The following PDE5A variants were observed in gnomAD, a reference collection of about 807,000 sequenced individuals.
PDE5A encodes cGMP-specific 3',5'-cyclic phosphodiesterase.
PDE5A carries 67 observed loss-of-function variants against 110.2 expected under a neutral mutation model. That is an observed-to-expected ratio of 0.61 (90% CI 0.50 to 0.75). PDE5A has a LOEUF of 0.75. PDE5A is among the 30% of genes least tolerant of loss of function. The pLI is 0.00. For synonymous variants in PDE5A, 328 were observed against 351.2 expected, an observed-to-expected ratio of 0.93 and a Z score of 0.74; for missense variants, 862 against 1,045.1, an observed-to-expected ratio of 0.82 and a Z score of 2.42.
At position 119,497,778 on chromosome 4, in the gene PDE5A, A is replaced by T. The variant is rs201067634; in HGVS notation, c.*823T>A. 1 of 152,178 alleles carries T rather than the reference A, an allele frequency of 6.6e-6. No homozygotes were observed. The highest frequency in any genetic ancestry group is 1.5e-5 in the Non-Finnish European group (1 of 68,022). 9.4% of individuals were successfully genotyped at this position (152,178 alleles called of 1,614,324 possible). ...CAGAAGGAAAAAAACTCTTAGAGAG[A>T]TCTTCTAACAGAACATTTTTCTTCA... is the stretch of plus-strand genomic sequence containing the variant. On this transcript the variant is annotated 3_prime_UTR_variant, in exon 21 of 21. Transcript: ENST00000354960.
intron 7 of PDE5A, among the ~76,000 whole-genome samples, chr4:119,559,671 T>G (rs554183657): frequency 6.6e-6 from 1 of 152,240 alleles, no homozygotes; most frequent in Admixed American, 6.5e-5. Context: ...TTCAAAAGGA[T>G]TCAATACTAA....
intron 20 of PDE5A, chr4:119,499,977 T>C (rs189781003): frequency 2.0e-5 from 3 of 151,982 alleles, no homozygotes; most frequent in East Asian, 1.9e-4. Flanking sequence ...TGTGTGTATA[T>C]ATATATATAT....
chr4:119,575,135 A>G (rs1728286667), intron 3 of PDE5A, among the ~76,000 whole-genome samples: 1 of 152,320 alleles, frequency 6.6e-6, no homozygotes, highest in Admixed American at 6.5e-5. Context: ...ACGTTTAGAG[A>G]AAAAAGAATA....
At chr4:119,516,653 C>G (rs191708472) in intron 14 of PDE5A, among the ~76,000 whole-genome samples, 2 of 152,034 alleles carry the variant, frequency 1.3e-5, no homozygotes, top group African/African-American at 4.8e-5. Context: ...GAGTCTCGCT[C>G]TGCTGCCCAG....
chr4:119,533,922 T>C (rs919936746), intron 11 of PDE5A, among the ~76,000 whole-genome samples: 1 of 152,178 alleles, frequency 6.6e-6, no homozygotes, highest in African/African-American at 2.4e-5. Context: ...CTATGGTGTT[T>C]AGAACTATAC....
chr4:119,526,635 A>G (rs966535024), intron 11 of PDE5A, among the ~76,000 whole-genome samples: 17 of 152,286 alleles, frequency 1.1e-4, no homozygotes, highest in Admixed American at 5.2e-4. Flanking sequence ...TAAGTTTCCT[A>G]TGAGTATCTG....
Position 119,627,313 on chromosome 4 carries a change from G to T in PDE5A, c.152+1207C>A, listed in dbSNP as rs1023067371. ...GCTCCCTCACGGCCCCGGCCTCCGC[G>T]CCGCCGCCCGTCGCCTCCCGCTCGC... On this transcript the variant is annotated intron_variant, in intron 1 of 20. Coordinates refer to ENST00000354960, the MANE Select transcript of PDE5A (RefSeq NM_001083.4). The surrounding 1 kb of genome is among the most constrained non-coding windows in gnomAD (Gnocchi z 4.6). 144 of 1,226,354 alleles carry T rather than the reference G, an allele frequency of 1.2e-4. No individual in the cohort carries two copies. Among genetic ancestry groups the T allele is most frequent in the Middle Eastern group, 6.7e-4 (2 of 2,976 alleles). 76.0% of individuals were successfully genotyped at this position (1,226,354 alleles called of 1,614,324 possible).
chr4:119,508,101 G>A (rs1358218359), intron 15 of PDE5A, among the ~76,000 whole-genome samples: 1 of 151,772 alleles, frequency 6.6e-6, no homozygotes, highest in Non-Finnish European at 1.5e-5. Context: ...CTTCTCTATG[G>A]CATTTTAAAT....
intron 18 of PDE5A, among the ~76,000 whole-genome samples, chr4:119,503,461 C>G (rs947435742): frequency 1.3e-5 from 2 of 152,062 alleles, no homozygotes; most frequent in African/African-American, 4.8e-5. Flanking sequence ...CCTACATCTA[C>G]AAGCCCCAGA....
intron 19 of PDE5A, 96 bp downstream of exon 19, chr4:119,502,482 TGTG>T (rs1725383885): frequency 3.0e-6 from 2 of 668,492 alleles, no homozygotes; most frequent in Non-Finnish European, 5.2e-6. Context: ...AATGAGAAAT[TGTG>T]GTCCTAAGGA....
rs561980375 is a variant in PDE5A at position 119,563,813 on chromosome 4, G to A, written c.994-843C>T. On this transcript the variant is annotated intron_variant, in intron 5 of 20. Transcript: ENST00000354960. ...GATCCCATCTGTTTGTAAAAATGGG[G>A]ACTGGATGAAAGGATGGCAAGAATA... Among the ~76,000 whole-genome samples the A allele has an allele frequency of 7.2e-5, 11 of 152,226 alleles. No individual in the cohort carries two copies. The South Asian group carries it at 2.1e-3, about 29-fold the overall frequency.
In PDE5A at chr4:119,602,683, T is replaced by C. The variant is rs144306561; in HGVS notation, c.741+4026A>G. 8.1e-3 allele frequency among the ~76,000 whole-genome samples: 1,234 copies of C among 152,294 alleles called. 11 individuals are homozygous for C. The highest frequency in any genetic ancestry group is 0.028 in the African/African-American group (1,177 of 41,556). ...ATCATCTGAAATTCAGTTGAAACAATTCGTATTTCTTTAGAAAAATATATT... is the reference window on the plus strand; with the variant it reads ...ATCATCTGAAATTCAGTTGAAACAACTCGTATTTCTTTAGAAAAATATATT... On this transcript the variant is annotated intron_variant, in intron 2 of 20. Coordinates refer to ENST00000354960, the MANE Select transcript of PDE5A (RefSeq NM_001083.4).
chr4:119,540,628 A>G (rs1463116425), intron 10 of PDE5A, among the ~76,000 whole-genome samples: 1 of 152,238 alleles, frequency 6.6e-6, no homozygotes, highest in African/African-American at 2.4e-5. Context: ...ACAAAAGATA[A>G]AAATAACTTA....
At chr4:119,545,270 C>A (rs1209279525) in intron 9 of PDE5A, among the ~76,000 whole-genome samples, 1 of 151,998 alleles carries the variant, frequency 6.6e-6, no homozygotes, top group Non-Finnish European at 1.5e-5. Context: ...AAACTAAAAA[C>A]CTGGGCACAT....
At position 119,584,641 on chromosome 4, in the gene PDE5A, C is replaced by T. The variant is rs140806079; in HGVS notation, c.831+11882G>A. Among the ~76,000 whole-genome samples the T allele has an allele frequency of 5.5e-3, 844 of 152,220 alleles. 1 individual carries two copies. The highest frequency in any genetic ancestry group is 8.7e-3 in the Non-Finnish European group (592 of 68,004). On this transcript the variant is annotated intron_variant, in intron 3 of 20. Coordinates refer to ENST00000354960, the MANE Select transcript of PDE5A (RefSeq NM_001083.4). ...TGGTTCAAACTTACTGCTGTAGCCA[C>T]CCAGATTTTTAAACAATAGGAAATA...
chr4:119,602,938 C>T (rs1011631089), intron 2 of PDE5A, among the ~76,000 whole-genome samples: 55 of 152,252 alleles, frequency 3.6e-4, no homozygotes, highest in African/African-American at 9.9e-4. Context: ...AGAAACAGGA[C>T]ATGAGTCTGA....
In PDE5A at chr4:119,627,193, C is replaced by G; in HGVS notation, c.152+1327G>C. 3.7e-6 allele frequency: 6 copies of G among 1,612,484 alleles called. No homozygotes were observed. Among genetic ancestry groups the G allele is most frequent in the Non-Finnish European group, 5.1e-6 (6 of 1,179,130 alleles). ...GGCAACATAGCAAACGTGGGAAGTT[C>G]GTTTTCGAACTCCGCCGATCCTGGA... On this transcript the variant is annotated intron_variant, in intron 1 of 20. Transcript: ENST00000354960. This position sits in a 1 kb window ranked among gnomAD's most constrained non-coding sequence, Gnocchi z 4.6.
At chr4:119,539,539 C>A (rs192283909) in intron 10 of PDE5A, among the ~76,000 whole-genome samples, 150 of 152,064 alleles carry the variant, frequency 9.9e-4, no homozygotes, top group African/African-American at 3.4e-3. Context: ...CACAGTCATG[C>A]AGATTTAAGG....
Position 119,507,676 on chromosome 4 carries a change from A to G in PDE5A, c.2117T>C (p.Ile706Thr), listed in dbSNP as rs1421081840. The G allele has an allele frequency of 6.3e-6, 10 of 1,589,426 alleles. No homozygotes were observed. Among genetic ancestry groups the G allele is most frequent in the South Asian group, 3.5e-5 (3 of 86,862 alleles). ...PGNQILSGLS[I>T]EEYKTTLKII... ...TTTCAACGTGGTCTTATATTCTTCA[A>G]TGGAGAGGCCACTGAGAATCTGATT... Residue 706 changes from isoleucine (I) to threonine (T), a missense_variant, in exon 16 of 21, where the codon ATT becomes ACT. Ile to Thr is a moderately conservative substitution (Grantham distance 89). Transcript: ENST00000354960.
Sources: gnomAD v4.1 joint callset for allele counts (sites outside exome capture counted in the v4.1 genomes callset) on GRCh38, gnomAD v4.1.1 for gene constraint, Gnocchi (gnomAD v3.1) non-coding constraint, MANE v1.5 for transcripts, NCBI Gene and HGNC (gene_info 2026-07-23, HGNC 2026-07-21) for gene names.